Variants in SHOC1 observed in about 807,000 individuals in gnomAD.
SHOC1 encodes protein shortage in chiasmata 1 ortholog.
In SHOC1, 136 loss-of-function variants were observed where a neutral mutation model predicts 179.2. The ratio of observed to expected loss-of-function variants is 0.76; its 90% CI spans 0.66 to 0.87. The LOEUF (loss-of-function observed/expected upper bound fraction) is 0.87, where lower values mean the gene tolerates loss of function less well. Among genes scored for constraint, SHOC1 ranks in the 40% least tolerant of loss-of-function variants. The pLI is 0.00. For synonymous variants in SHOC1, 489 were observed against 586.6 expected, an observed-to-expected ratio of 0.83 and a Z score of 2.41; for missense variants, 1,538 against 1,700.8, an observed-to-expected ratio of 0.90 and a Z score of 1.68.
chr9:111,694,363 C>A lies in SHOC1; in HGVS notation c.3184-1G>T. On this transcript the variant is annotated splice_acceptor_variant, in intron 24 of 27. Transcript: ENST00000682961. LOFTEE classifies it high-confidence loss of function. ...CTTCTACTCCTGGGGCAATTATAAG[C>A]TAAAAAATATTTTTTATGTTAGATT... 1 of 1,594,148 alleles carries A rather than the reference C, an allele frequency of 6.3e-7. No individual in the cohort carries two copies. Among genetic ancestry groups the A allele is most frequent in the Non-Finnish European group, 8.6e-7 (1 of 1,168,830 alleles).
chr9:111,764,390 A>G (rs1835265496), intron 5 of SHOC1, among the ~76,000 whole-genome samples: 1 of 152,218 alleles, frequency 6.6e-6, no homozygotes, highest in African/African-American at 2.4e-5. Context: ...AGGGTTTGGT[A>G]CTATCAGTGA....
At position 111,731,000 on chromosome 9, in the gene SHOC1, G is replaced by A. The variant is rs148692119; in HGVS notation, c.1418-2951C>T. On this transcript the variant is annotated intron_variant, in intron 12 of 27. Coordinates refer to ENST00000682961, the MANE Select transcript of SHOC1 (RefSeq NM_001378211.1). ...GCTTCACCTTGTACTTTTATGTTAC[G>A]GAGATGACTTTTTTCCTTAAACTTC... 8.6e-4 allele frequency among the ~76,000 whole-genome samples: 131 copies of A among 152,214 alleles called. 2 individuals carry two copies. Among genetic ancestry groups the A allele is most frequent in the South Asian group, 4.3e-3 (21 of 4,832 alleles).
At chr9:111,698,093 C>T (rs189325724) in intron 24 of SHOC1, among the ~76,000 whole-genome samples, 331 of 152,120 alleles carry the variant, frequency 2.2e-3, no homozygotes, top group Admixed American at 4.3e-3. Flanking sequence ...GGATATTAGC[C>T]CTTTGTCAGA....
chr9:111,735,742 G>C (rs1328265648), intron 12 of SHOC1, among the ~76,000 whole-genome samples: 1 of 152,138 alleles, frequency 6.6e-6, no homozygotes, highest in African/African-American at 2.4e-5. Context: ...TCTGGTTCTA[G>C]ATCTTTGAGG....
intron 26 of SHOC1, among the ~76,000 whole-genome samples, chr9:111,693,109 C>T (rs1434724908): frequency 6.6e-6 from 1 of 151,920 alleles, no homozygotes; most frequent in Non-Finnish European, 1.5e-5. Context: ...AGTTTGAGAC[C>T]AGCCTGGCCA....
intron 5 of SHOC1, among the ~76,000 whole-genome samples, chr9:111,771,781 A>G (rs895173437): frequency 6.6e-6 from 1 of 152,098 alleles, no homozygotes; most frequent in Non-Finnish European, 1.5e-5. Context: ...GTCTGTTACC[A>G]GAAGAATTGG....
intron 13 of SHOC1, among the ~76,000 whole-genome samples, chr9:111,726,144 G>A (rs1476755242): frequency 6.6e-6 from 1 of 152,036 alleles, no homozygotes; most frequent in East Asian, 1.9e-4. Flanking sequence ...CCAAATATTG[G>A]TTAGAAAAAG....
chr9:111,748,282 A>T, intron 8 of SHOC1, 83 bp from the exon 9 acceptor site: 1 of 932,210 alleles, frequency 1.1e-6, no homozygotes, highest in South Asian at 1.5e-5. Context: ...TTTTCCTTTT[A>T]AAGTATCTTT....
At chr9:111,753,923 G>A (rs1052691203) in intron 8 of SHOC1, among the ~76,000 whole-genome samples, 2 of 152,020 alleles carry the variant, frequency 1.3e-5, no homozygotes, top group Non-Finnish European at 1.5e-5. Flanking sequence ...TGGTTAAAGG[G>A]TATACACTTT....
chr9:111,741,086 C>A (rs7033004), intron 11 of SHOC1, among the ~76,000 whole-genome samples: 7 of 152,080 alleles, frequency 4.6e-5, no homozygotes, highest in Admixed American at 2.6e-4. Context: ...TGTTTTTAAA[C>A]GTCTTTTTTG....
chr9:111,698,177 G>C (rs1831794502), intron 24 of SHOC1, among the ~76,000 whole-genome samples: 1 of 152,200 alleles, frequency 6.6e-6, no homozygotes, highest in South Asian at 2.1e-4. Flanking sequence ...CTTTTGCTGT[G>C]AAGAAGTTCT....
chr9:111,762,332 A>T (rs1303976616), intron 5 of SHOC1, among the ~76,000 whole-genome samples: 1 of 151,504 alleles, frequency 6.6e-6, no homozygotes. Flanking sequence ...GGAGGCTAAG[A>T]CAGGAGGATC....
chr9:111,687,140 G>T (rs1375711802), intron 27 of SHOC1, among the ~76,000 whole-genome samples: 2 of 151,894 alleles, frequency 1.3e-5, no homozygotes, highest in Admixed American at 1.3e-4. Context: ...TAGAGACAGG[G>T]TTTTGCCATG....
chr9:111,757,723 T>G lies in SHOC1; in HGVS notation c.708+361A>C, dbSNP rs141753282. Among the ~76,000 whole-genome samples the G allele has an allele frequency of 5.8e-3, 884 of 152,322 alleles. 6 individuals are homozygous for G. Among genetic ancestry groups the G allele is most frequent in the Middle Eastern group, 0.014 (4 of 294 alleles). On this transcript the variant is annotated intron_variant, in intron 7 of 27. Transcript: ENST00000682961. ...TGTGTATAACTCACAAATCAATATTTCTAGTTCAGGTGTCAATTTTTAAAC... is the reference window on the plus strand; with the variant it reads ...TGTGTATAACTCACAAATCAATATTGCTAGTTCAGGTGTCAATTTTTAAAC...
At chr9:111,728,833 G>C (rs1833428740) in intron 12 of SHOC1, among the ~76,000 whole-genome samples, 2 of 152,152 alleles carry the variant, frequency 1.3e-5, no homozygotes, top group African/African-American at 4.8e-5. Context: ...AATGTATCTT[G>C]ATAAAGCTGT....
At chr9:111,771,860 T>A (rs559013674) in intron 5 of SHOC1, among the ~76,000 whole-genome samples, 16 of 152,322 alleles carry the variant, frequency 1.1e-4, no homozygotes, top group Admixed American at 2.0e-4. Context: ...TCCTTGACCT[T>A]TGAGAGTTTG....
At chr9:111,733,913 G>A (rs1833703802) in intron 12 of SHOC1, among the ~76,000 whole-genome samples, 1 of 151,900 alleles carries the variant, frequency 6.6e-6, no homozygotes, top group African/African-American at 2.4e-5. Context: ...AATAATATGT[G>A]GGCTGAATAG....
At position 111,727,819 on chromosome 9, in the gene SHOC1, A is replaced by G; in HGVS notation, c.1648T>C (p.Phe550Leu). 5 of 1,611,870 alleles carry G rather than the reference A, an allele frequency of 3.1e-6. No homozygotes were observed. The highest frequency in any genetic ancestry group is 4.2e-6 in the Non-Finnish European group (5 of 1,179,316). ...IIQKKENNDH[F>L]ELDCTGPSIK... ...GATGGTCCTGTGCAGTCAAGTTCAAAGTGATCGTTATTTTCTTTCTTTTGG... is the reference window on the plus strand; with the variant it reads ...GATGGTCCTGTGCAGTCAAGTTCAAGGTGATCGTTATTTTCTTTCTTTTGG... The change falls in exon 13 of 28, where the codon TTT (phenylalanine) becomes CTT (leucine). Residue 550 changes from phenylalanine to leucine, a missense_variant. Coordinates refer to ENST00000682961, the MANE Select transcript of SHOC1 (RefSeq NM_001378211.1).
chr9:111,689,880 T>G (rs1831350912), intron 27 of SHOC1, among the ~76,000 whole-genome samples: 2 of 152,216 alleles, frequency 1.3e-5, no homozygotes, highest in Non-Finnish European at 1.5e-5. Context: ...TATTTAAAAA[T>G]GACTTCTGGG....
Sources: gnomAD v4.1 joint callset for allele counts (sites outside exome capture counted in the v4.1 genomes callset) on GRCh38, gnomAD v4.1.1 for gene constraint, MANE v1.5 for transcripts, NCBI Gene and HGNC (gene_info 2026-07-23, HGNC 2026-07-21) for gene names.